Variants in TG observed in about 807,000 individuals in gnomAD.
TG encodes the protein thyroid hormones.
Under a neutral mutation model 324.7 loss-of-function variants are expected in TG, and 270 were observed. The observed-to-expected ratio is 0.83, with a 90% CI of 0.75 to 0.92. The LOEUF (loss-of-function observed/expected upper bound fraction) is 0.92. Among genes scored for constraint, TG ranks in the 40% least tolerant of loss-of-function variants. The pLI is 0.00. For synonymous variants in TG, 1,401 were observed against 1,327.0 expected, an observed-to-expected ratio of 1.06 and a Z score of -1.21; for missense variants, 3,591 against 3,456.4, an observed-to-expected ratio of 1.04 and a Z score of -0.98.
chr8:132,933,518 C>G (rs771506856), intron 23 of TG, 43 bp from the exon 24 acceptor site: 2 of 1,580,406 alleles, frequency 1.3e-6, no homozygotes, highest in South Asian at 2.2e-5. Flanking sequence ...CCTCAGCATC[C>G]CCCGGGAAAG....
At chr8:132,915,411 C>T (rs368518067) in intron 20 of TG, among the ~76,000 whole-genome samples, 18 of 152,200 alleles carry the variant, frequency 1.2e-4, no homozygotes, top group African/African-American at 3.9e-4. Flanking sequence ...ATTATTAGTT[C>T]CTGTCAACAA....
At chr8:132,869,849 C>T in intron 3 of TG, 23 bp downstream of exon 3, 6 of 1,606,348 alleles carry the variant, frequency 3.7e-6, no homozygotes, top group Non-Finnish European at 4.3e-6. Context: ...GGGGGACGTC[C>T]CTTGGAGGGA....
intron 23 of TG, 102 bp downstream of exon 23, chr8:132,929,294 TAAAAAC>T (rs1822341695): frequency 1.1e-6 from 1 of 879,066 alleles, no homozygotes; most frequent in African/African-American, 1.7e-5. Context: ...AACTATAATT[TAAAAAC>T]ATACTTTATC....
chr8:133,075,090 G>A (rs1282966472), intron 41 of TG: 77 of 985,314 alleles, frequency 7.8e-5, no homozygotes, highest in Non-Finnish European at 9.3e-5. Context: ...GCAGGTTCCT[G>A]TTTTCAGTAA....
At chr8:133,133,356 C>A in intron 46 of TG, 114 bp from the exon 47 acceptor site, 3 of 1,097,670 alleles carry the variant, frequency 2.7e-6, no homozygotes, top group Non-Finnish European at 4.2e-6. Context: ...AGCCTTGACA[C>A]CTACAGATAC....
intron 35 of TG, chr8:133,003,201 AAAAG>A (rs1392877766): frequency 3.4e-5 from 7 of 208,130 alleles, no homozygotes; most frequent in South Asian, 1.7e-4. Context: ...AAGAAACAAA[AAAAG>A]AAAGAGAAGA....
intron 41 of TG, among the ~76,000 whole-genome samples, chr8:133,084,488 G>T (rs1259158560): frequency 6.6e-6 from 1 of 152,156 alleles, no homozygotes; most frequent in Non-Finnish European, 1.5e-5. Context: ...ATCACTCATG[G>T]TGTCACTTTT....
chr8:132,960,910 G>A, intron 27 of TG, 98 bp from the exon 28 acceptor site: 1 of 1,215,262 alleles, frequency 8.2e-7, no homozygotes, highest in South Asian at 1.2e-5. Context: ...TCAGGCCTAG[G>A]AAGAGCCTGT....
chr8:133,128,786 A>G (rs1001719063), intron 45 of TG, among the ~76,000 whole-genome samples: 44 of 152,222 alleles, frequency 2.9e-4, no homozygotes, highest in African/African-American at 1.0e-3. Context: ...AGCAGATGAC[A>G]AGTAAAAGCT....
intron 18 of TG, among the ~76,000 whole-genome samples, chr8:132,909,737 AGGAGAACCCACCTT>A (rs1819234598): frequency 6.6e-6 from 1 of 152,180 alleles, no homozygotes. Context: ...AAATGGGTTT[AGGAGAACCCACCTT>A]GGAGAGTCAG....
At chr8:133,094,462 G>T (rs757803257) in intron 41 of TG, among the ~76,000 whole-genome samples, 5 of 151,864 alleles carry the variant, frequency 3.3e-5, no homozygotes, top group Admixed American at 2.6e-4. Context: ...GGATGGTCTC[G>T]ATCTCCTGAC....
chr8:132,881,888 A>C lies in TG; in HGVS notation c.664A>C (p.Ser222Arg), dbSNP rs1233821394. ...NRFPDAFVTF[S>R]SFQRRFPEVS... ...GTTTCCAGATGCATTTGTGACCTTC[A>C]GTTCCTTCCAGAGGAGGTTCCCTGA... Residue 222 changes from serine (S) to arginine (R), a missense_variant, in exon 6 of 48, where the codon AGT (serine) becomes CGT (arginine). Physicochemically the swap from Ser to Arg is moderately radical, Grantham distance 110 (BLOSUM62 -1). Transcript: ENST00000220616. The C allele has an allele frequency of 3.1e-6, 5 of 1,614,002 alleles. No homozygotes were observed. Among genetic ancestry groups the C allele is most frequent in the Non-Finnish European group, 4.2e-6 (5 of 1,179,820 alleles).
At position 133,019,484 on chromosome 8, in the gene TG, C is replaced by A. The variant is rs1488118040; in HGVS notation, c.6783-118C>A. 7 of 804,672 alleles carry A rather than the reference C, an allele frequency of 8.7e-6. No individual in the cohort carries two copies. The Admixed American group carries it at 1.2e-4, about 13-fold the overall frequency. 49.8% of individuals were successfully genotyped at this position (804,672 alleles called of 1,614,324 possible). A position where few individuals can be genotyped will look rare whatever the true frequency, so the allele number is the denominator to read the frequency against. On this transcript the variant is annotated intron_variant, in intron 38 of 47. Coordinates refer to ENST00000220616, the MANE Select transcript of TG (RefSeq NM_003235.5). The stretch of plus-strand genomic sequence containing the variant: ...CCCATTTCCTGAAGCTGCCTAATTT[C>A]TGCAGAGCTGGTGGGATGCCAGGCT...
At chr8:133,084,415 G>C (rs1205778330) in intron 41 of TG, among the ~76,000 whole-genome samples, 1 of 152,144 alleles carries the variant, frequency 6.6e-6, no homozygotes, top group Admixed American at 6.5e-5. Flanking sequence ...ACAATGGAAG[G>C]GAGGCTCAGG....
intron 34 of TG, among the ~76,000 whole-genome samples, chr8:132,977,740 C>T (rs1296285027): frequency 6.6e-6 from 1 of 152,176 alleles, no homozygotes; most frequent in Non-Finnish European, 1.5e-5. Flanking sequence ...ATTCAATCAT[C>T]TCCCACCAGG....
In TG at chr8:133,017,870, G is replaced by A; in HGVS notation, c.6655G>A (p.Gly2219Ser). The A allele has an allele frequency of 6.2e-7, 1 of 1,614,160 alleles. No individual in the cohort carries two copies. The highest frequency in any genetic ancestry group is 8.5e-7 in the Non-Finnish European group (1 of 1,180,018). Residue 2219 changes from glycine to serine, a missense_variant, in exon 38 of 48, where the codon GGT becomes AGT. Coordinates refer to ENST00000220616, the MANE Select transcript of TG (RefSeq NM_003235.5). ...GGGCAGGTCCCAGGCCATCCAGGTG[G>A]GTACCTCATGGAAGCAAGTGGACCA... The part of the protein sequence containing the change: ...LLGRSQAIQV[G>S]TSWKQVDQFL...
intron 19 of TG, among the ~76,000 whole-genome samples, chr8:132,912,516 C>A (rs138506664): frequency 2.0e-5 from 3 of 151,994 alleles, no homozygotes; most frequent in African/African-American, 7.2e-5. Context: ...TCATTTGACA[C>A]CTGGAGACCT....
At chr8:132,917,382 A>G (rs1024279893) in intron 20 of TG, among the ~76,000 whole-genome samples, 1 of 127,356 alleles carries the variant, frequency 7.9e-6, no homozygotes, top group Non-Finnish European at 1.8e-5. Flanking sequence ...ATGTTTGTGC[A>G]TGTATATGTG....
chr8:133,018,560 A>G (rs1243232413), intron 38 of TG, among the ~76,000 whole-genome samples: 8 of 151,298 alleles, frequency 5.3e-5, no homozygotes, highest in African/African-American at 1.9e-4. Flanking sequence ...CCCATATCCT[A>G]TCTTCTTTCC....
Sources: allele counts gnomAD v4.1 joint callset (sites outside exome capture counted in the v4.1 genomes callset), GRCh38; gene constraint gnomAD v4.1.1; transcripts MANE v1.5; gene names NCBI Gene and HGNC (gene_info 2026-07-23, HGNC 2026-07-21).